Variants in TMC2 observed in about 807,000 individuals in gnomAD.
TMC2 encodes transmembrane channel like 2, also known as transmembrane channel-like protein 2.
A neutral mutation model predicts 105.9 loss-of-function variants in TMC2; 102 were observed. That is an observed-to-expected ratio of 0.96 (90% CI 0.82 to 1.14). TMC2 has a LOEUF of 1.14. Ranked by LOEUF, TMC2 falls within the 50% of genes most tolerant of loss-of-function variation. The probability of loss-of-function intolerance (pLI) is 0.00; values close to 1 mark genes in which losing one functional copy is unlikely to be tolerated. For synonymous variants in TMC2, 402 were observed against 422.8 expected (o/e 0.95, Z 0.60); for missense variants, 1,093 against 1,134.3 (o/e 0.96, Z 0.52).
At chr20:2,555,621 A>T (rs953263506) in intron 2 of TMC2, among the ~76,000 whole-genome samples, 3 of 152,158 alleles carry the variant, frequency 2.0e-5, no homozygotes, top group African/African-American at 7.2e-5. Flanking sequence ...GTGTACTGAG[A>T]TTATTTATAC....
chr20:2,579,805 TTATTTA>T, intron 6 of TMC2, 139 bp from the exon 7 acceptor site: 1 of 568,824 alleles, frequency 1.8e-6, no homozygotes, highest in Non-Finnish European at 3.1e-6. Context: ...GAGCCTCAGG[TTATTTA>T]TCCAGGAAAA....
At chr20:2,617,551 G>A (rs1158036833) in intron 16 of TMC2, 4 of 541,544 alleles carry the variant, frequency 7.4e-6, no homozygotes, top group African/African-American at 3.8e-5. Flanking sequence ...TGCTTGAAAT[G>A]AGGAACTGAG....
intron 5 of TMC2, among the ~76,000 whole-genome samples, chr20:2,576,259 C>G (rs2122866447): frequency 6.6e-6 from 1 of 152,332 alleles, no homozygotes; most frequent in East Asian, 1.9e-4. Flanking sequence ...GCAACCACCT[C>G]ACACAGGCCT....
chr20:2,628,768 A>G (rs1302344374), intron 17 of TMC2, among the ~76,000 whole-genome samples: 1 of 152,174 alleles, frequency 6.6e-6, no homozygotes. Context: ...TTTCCTTTAT[A>G]AATTACTCAG....
Position 2,597,364 on chromosome 20 carries a change from C to T in TMC2, c.1224+66C>T, listed in dbSNP as rs77069819. 6.4e-4 allele frequency: 964 copies of T among 1,496,940 alleles called. 12 individuals carry two copies. The East Asian group carries it at 0.02, about 31-fold the overall frequency. The allele number at this position is 1,496,940 out of a possible 1,614,324, so 92.7% of individuals were successfully genotyped here. On this transcript the variant is annotated intron_variant, in intron 10 of 19. Transcript: ENST00000358864. ...GGTCCCTCTGGTCATTGAGAGACTT[C>T]TCCCAGCTGGGACATAGAAAATAAG...
chr20:2,588,721 G>C (rs181279326), intron 7 of TMC2, among the ~76,000 whole-genome samples: 4 of 151,714 alleles, frequency 2.6e-5, no homozygotes, highest in Non-Finnish European at 5.9e-5. Flanking sequence ...GTGTGTGTGT[G>C]TCTTGTCTCA....
chr20:2,614,762 A>G (rs983882635), intron 14 of TMC2, among the ~76,000 whole-genome samples: 4 of 152,030 alleles, frequency 2.6e-5, no homozygotes, highest in African/African-American at 9.7e-5. Flanking sequence ...AGTTTATGAT[A>G]AAGGGAGACT....
chr20:2,627,425 C>T (rs190453295), intron 17 of TMC2, among the ~76,000 whole-genome samples: 12 of 152,332 alleles, frequency 7.9e-5, no homozygotes, highest in Admixed American at 7.8e-4. Flanking sequence ...AATTTGTACA[C>T]AGAGTTTGGC....
chr20:2,562,495 C>T (rs1333554329), intron 4 of TMC2, among the ~76,000 whole-genome samples: 1 of 152,250 alleles, frequency 6.6e-6, no homozygotes, highest in African/African-American at 2.4e-5. Flanking sequence ...CATTGCCTGG[C>T]ACCAGGCCAA....
chr20:2,580,139 T>C (rs1257601458), intron 7 of TMC2, 83 bp downstream of exon 7: 1 of 770,370 alleles, frequency 1.3e-6, no homozygotes, highest in Non-Finnish European at 2.1e-6. Flanking sequence ...TACTTCCTGT[T>C]TTACAAAGAA....
At chr20:2,569,563 C>T (rs973746881) in intron 4 of TMC2, among the ~76,000 whole-genome samples, 21 of 152,304 alleles carry the variant, frequency 1.4e-4, no homozygotes, top group African/African-American at 5.1e-4. Flanking sequence ...ACGATGTTTT[C>T]AACTTACAAT....
chr20:2,629,417 A>G (rs1272413554), intron 17 of TMC2, among the ~76,000 whole-genome samples: 2 of 151,962 alleles, frequency 1.3e-5, no homozygotes, highest in Non-Finnish European at 2.9e-5. Context: ...AAGTATATTC[A>G]TGAAATAAGG....
intron 3 of TMC2, among the ~76,000 whole-genome samples, chr20:2,561,580 A>G (rs767733838): frequency 2.6e-5 from 4 of 152,220 alleles, no homozygotes; most frequent in Non-Finnish European, 5.9e-5. Flanking sequence ...AATTTGCATT[A>G]CAGTAAGTGG....
At chr20:2,591,349 GAA>G (rs2146209731) in intron 7 of TMC2, among the ~76,000 whole-genome samples, 2 of 152,198 alleles carry the variant, frequency 1.3e-5, no homozygotes, top group South Asian at 4.1e-4. Flanking sequence ...ATAACTAAAA[GAA>G]AATATATAAA....
chr20:2,562,979 G>A (rs374126196), intron 4 of TMC2, among the ~76,000 whole-genome samples: 3 of 151,934 alleles, frequency 2.0e-5, no homozygotes, highest in African/African-American at 7.3e-5. Flanking sequence ...AGAAATAACA[G>A]CAGTAGTCAT....
Position 2,616,101 on chromosome 20 carries a change from TTCTC to T in TMC2, c.1873-25_1873-22del. ...GAATTCACCAAACGTGCTTTTTTTT[TTCTC>T]TCTCTCTCTCGCTCCCTCCCTCCCT... On this transcript the variant is annotated intron_variant, in intron 14 of 19. Transcript: ENST00000358864. The surrounding 1 kb of genome is among the most constrained non-coding windows in gnomAD (Gnocchi z 4.8). The T allele has an allele frequency of 8.8e-6, 13 of 1,474,324 alleles. No homozygotes were observed. Among genetic ancestry groups the T allele is most frequent in the East Asian group, 2.5e-5 (1 of 40,184 alleles). The allele number at this position is 1,474,324 out of a possible 1,614,324, so 91.3% of individuals were successfully genotyped here. A position where few individuals can be genotyped will look rare whatever the true frequency, so the allele number is the denominator to read the frequency against.
chr20:2,590,947 TTCTA>T (rs1226797783), intron 7 of TMC2, among the ~76,000 whole-genome samples: 2 of 152,106 alleles, frequency 1.3e-5, no homozygotes, highest in Non-Finnish European at 2.9e-5. Flanking sequence ...ATCAGAATAT[TTCTA>T]TGAGGAACAC....
chr20:2,566,701 G>A (rs1264899415), intron 4 of TMC2, among the ~76,000 whole-genome samples: 2 of 152,198 alleles, frequency 1.3e-5, no homozygotes, highest in Non-Finnish European at 2.9e-5. Context: ...ATTTGAAAAG[G>A]TAGAAAGAAG....
At chr20:2,589,273 TGTG>T (rs1568515678) in intron 7 of TMC2, among the ~76,000 whole-genome samples, 5 of 125,002 alleles carry the variant, frequency 4.0e-5, no homozygotes, top group African/African-American at 1.6e-4. Context: ...ATTTGCCCTG[TGTG>T]TGTGTGTGTG....
Sources: allele counts gnomAD v4.1 joint callset (sites outside exome capture counted in the v4.1 genomes callset), GRCh38; gene constraint gnomAD v4.1.1; non-coding constraint Gnocchi (gnomAD v3.1); transcripts MANE v1.5; gene names NCBI Gene and HGNC (gene_info 2026-07-23, HGNC 2026-07-21).